The following MEGF11 variants were observed in gnomAD, a reference collection of about 807,000 sequenced individuals.
The protein encoded by MEGF11 is multiple EGF like domains 11.
Under a neutral mutation model 146.6 loss-of-function variants are expected in MEGF11, and 126 were observed. The ratio of observed to expected loss-of-function variants is 0.86; its 90% confidence interval spans 0.74 to 1.00. The LOEUF (loss-of-function observed/expected upper bound fraction) is 1.00. Ranked by LOEUF, MEGF11 falls within the 50% of genes least tolerant of loss-of-function variation. The pLI, the probability that MEGF11 is intolerant of heterozygous loss-of-function variation, is 0.00. For synonymous variants in MEGF11, 532 were observed against 583.4 expected, an observed-to-expected ratio of 0.91 and a Z score of 1.27; for missense variants, 1,509 against 1,521.2, an observed-to-expected ratio of 0.99 and a Z score of 0.13.
intron 5 of MEGF11, among the ~76,000 whole-genome samples, chr15:66,092,764 T>C (rs2086371971): frequency 6.6e-6 from 1 of 152,154 alleles, no homozygotes; most frequent in African/African-American, 2.4e-5. Flanking sequence ...GTGGTTTCTA[T>C]ATACTCAGGG....
chr15:66,037,354 A>G (rs1002512965), intron 5 of MEGF11, among the ~76,000 whole-genome samples: 1 of 152,230 alleles, frequency 6.6e-6, no homozygotes, highest in Non-Finnish European at 1.5e-5. Context: ...ATCTGCCAAA[A>G]TGAGCCTGTC....
intron 10 of MEGF11, among the ~76,000 whole-genome samples, chr15:65,935,189 G>A (rs1187781333): frequency 1.3e-5 from 2 of 151,878 alleles, no homozygotes; most frequent in East Asian, 1.9e-4. Flanking sequence ...GCGTGGTGGT[G>A]CACACCTGTA....
intron 10 of MEGF11, among the ~76,000 whole-genome samples, chr15:65,941,673 G>A (rs548197078): frequency 2.6e-5 from 4 of 152,286 alleles, no homozygotes; most frequent in Non-Finnish European, 4.4e-5. Flanking sequence ...ATTCTGTACC[G>A]AGTTTAGAGA....
At chr15:66,021,297 T>A (rs1048991484) in intron 5 of MEGF11, among the ~76,000 whole-genome samples, 1 of 152,210 alleles carries the variant, frequency 6.6e-6, no homozygotes. Context: ...AATGTTCCTC[T>A]CAGCCTCCGT....
chr15:66,198,680 TTCA>T (rs2091072720), intron 1 of MEGF11, among the ~76,000 whole-genome samples: 1 of 152,076 alleles, frequency 6.6e-6, no homozygotes, highest in Non-Finnish European at 1.5e-5. Context: ...GAGACGGGGT[TTCA>T]TCATGTTGCC....
At chr15:66,025,026 G>A (rs1414058074) in intron 5 of MEGF11, among the ~76,000 whole-genome samples, 1 of 151,550 alleles carries the variant, frequency 6.6e-6, no homozygotes, top group Admixed American at 6.6e-5. Context: ...ATCATCTGCA[G>A]GAGATCAAAG....
chr15:65,927,304 A>G (rs2079404814), intron 13 of MEGF11, among the ~76,000 whole-genome samples: 1 of 152,198 alleles, frequency 6.6e-6, no homozygotes, highest in African/African-American at 2.4e-5. Flanking sequence ...CTGAGAGGTT[A>G]AATGACTTGC....
intron 1 of MEGF11, among the ~76,000 whole-genome samples, chr15:66,133,478 T>C (rs1035366388): frequency 5.9e-5 from 9 of 152,194 alleles, no homozygotes; most frequent in Admixed American, 1.3e-4. Context: ...CACACACACT[T>C]CTCTACTTTT....
At chr15:66,091,059 G>GA (rs1449372491) in intron 5 of MEGF11, among the ~76,000 whole-genome samples, 1 of 151,938 alleles carries the variant, frequency 6.6e-6, no homozygotes, top group Non-Finnish European at 1.5e-5. Context: ...GAACCAGAGA[G>GA]AAAAAAACAA....
chr15:66,177,593 C>T (rs2090419642), intron 1 of MEGF11, among the ~76,000 whole-genome samples: 1 of 151,960 alleles, frequency 6.6e-6, no homozygotes, highest in African/African-American at 2.4e-5. Context: ...TTACCTCCAC[C>T]AAAGCACTGT....
chr15:66,037,333 C>G (rs150710899), intron 5 of MEGF11, among the ~76,000 whole-genome samples: 31 of 152,340 alleles, frequency 2.0e-4, no homozygotes, highest in Non-Finnish European at 4.1e-4. Flanking sequence ...GTTGGGATAA[C>G]TAAACCCACT....
At position 65,965,592 on chromosome 15, in the gene MEGF11, C is replaced by CTTTTTTTTTTTTTTTTT. The variant is rs1567179999; in HGVS notation, c.900-473_900-472insAAAAAAAAAAAAAAAAA. ...GGTCCCTTTCTTTCTTTCTTTCTTT[C>CTTTTTTTTTTTTTTTTT]TTTCTTTCTTTTTTTTTTTTCTTTT... On this transcript the variant is annotated intron_variant, in intron 8 of 25. Transcript: ENST00000395614. Among the ~76,000 whole-genome samples the CTTTTTTTTTTTTTTTTT allele has an allele frequency of 1.8e-4, 3 of 16,490 alleles. 1 individual carries two copies. The highest frequency in any genetic ancestry group is 3.9e-4 in the African/African-American group (3 of 7,780). The allele number at this position is 16,490 out of a possible 152,430, so 10.8% of individuals were successfully genotyped here.
rs374211983 is a variant in MEGF11, at chr15:66,242,728, C to T, written c.-9+10877G>A. 2.7e-4 allele frequency among the ~76,000 whole-genome samples: 41 copies of T among 152,280 alleles called. No individual in the cohort carries two copies. The East Asian group carries it at 6.4e-3, about 24-fold the overall frequency. ...AGTGGGACACAGAAGTTACTGTCAACTCCTTCCTCTTCCACCTCGAGGTCC... is the reference window on the plus strand; with the variant it reads ...AGTGGGACACAGAAGTTACTGTCAATTCCTTCCTCTTCCACCTCGAGGTCC... On this transcript the variant is annotated intron_variant, in intron 1 of 25. Transcript: ENST00000395614.
chr15:65,903,844 A>G (rs1343179674), intron 24 of MEGF11, among the ~76,000 whole-genome samples: 1 of 152,020 alleles, frequency 6.6e-6, no homozygotes, highest in African/African-American at 2.4e-5. Context: ...GTGACATCAT[A>G]TTTTCCTCTT....
chr15:65,994,433 G>T (rs1484858482), intron 5 of MEGF11, among the ~76,000 whole-genome samples: 1 of 152,202 alleles, frequency 6.6e-6, no homozygotes, highest in African/African-American at 2.4e-5. Context: ...CTCCCTGGTG[G>T]GCCCACGGAG....
chr15:66,205,078 A>G (rs2091266446), intron 1 of MEGF11, among the ~76,000 whole-genome samples: 1 of 151,760 alleles, frequency 6.6e-6, no homozygotes, highest in Non-Finnish European at 1.5e-5. Context: ...AAAAACACCA[A>G]CAAAATCCTG....
intron 10 of MEGF11, among the ~76,000 whole-genome samples, chr15:65,951,886 C>T (rs574316127): frequency 6.6e-6 from 1 of 151,798 alleles, no homozygotes; most frequent in East Asian, 1.9e-4. Context: ...CCTGTATTCT[C>T]AGCTGCTCAG....
chr15:66,147,819 CA>C (rs2089430603), intron 1 of MEGF11, among the ~76,000 whole-genome samples: 1 of 152,302 alleles, frequency 6.6e-6, no homozygotes, highest in Middle Eastern at 3.4e-3. Context: ...AGGTTTTAAG[CA>C]AGGGACCAAT....
At chr15:66,235,280 T>G (rs146772189) in intron 1 of MEGF11, among the ~76,000 whole-genome samples, 1 of 151,970 alleles carries the variant, frequency 6.6e-6, no homozygotes. Context: ...AGGAGGAGGA[T>G]TGCTTGAGTC....
Sources: gnomAD v4.1 joint callset for allele counts (sites outside exome capture counted in the v4.1 genomes callset) on GRCh38, gnomAD v4.1.1 for gene constraint, MANE v1.5 for transcripts, NCBI Gene and HGNC (gene_info 2026-07-23, HGNC 2026-07-21) for gene names.